Variants in ENAH observed in about 807,000 individuals in gnomAD.
ENAH encodes the protein protein enabled homolog.
In ENAH, 23 loss-of-function variants were observed where a neutral mutation model predicts 78.7. That is an observed-to-expected ratio of 0.29 (90% CI 0.21 to 0.41). The LOEUF (loss-of-function observed/expected upper bound fraction) is 0.41. Ranked by LOEUF, ENAH falls within the 10% of genes least tolerant of loss-of-function variation. ENAH has a pLI of 1.00. For synonymous variants in ENAH, 226 were observed against 241.0 expected (o/e 0.94, Z 0.58); for missense variants, 544 against 691.0 (o/e 0.79, Z 2.39).
intron 2 of ENAH, among the ~76,000 whole-genome samples, chr1:225,564,008 G>GT (rs1383608881): frequency 6.6e-6 from 1 of 151,976 alleles, no homozygotes; most frequent in Non-Finnish European, 1.5e-5. Context: ...CTGGCATAAA[G>GT]TTTTTTATAA....
At chr1:225,611,985 T>C (rs552957585) in intron 1 of ENAH, among the ~76,000 whole-genome samples, 101 of 152,360 alleles carry the variant, frequency 6.6e-4, no homozygotes, top group African/African-American at 2.3e-3. Context: ...CTGGTGAGAA[T>C]GTGAAATCAC....
intron 1 of ENAH, among the ~76,000 whole-genome samples, chr1:225,616,775 T>G (rs988556185): frequency 2.2e-4 from 34 of 152,168 alleles, no homozygotes; most frequent in South Asian, 1.0e-3. Flanking sequence ...GAGTTTCTAC[T>G]AGTGATTGGA....
At position 225,532,593 on chromosome 1, in the gene ENAH, C is replaced by T. The variant is rs115667030; in HGVS notation, c.350-1955G>A. Among the ~76,000 whole-genome samples the T allele has an allele frequency of 4.2e-3, 638 of 152,120 alleles. 1 individual carries two copies. The highest frequency in any genetic ancestry group is 0.014 in the Middle Eastern group (4 of 294). ...TTCAAATATATAGATTCAAAAAAGA[C>T]GTCAAAATTTCAACTCAATCCTATT... is the stretch of plus-strand genomic sequence containing the variant. On this transcript the variant is annotated intron_variant, in intron 3 of 13. Transcript: ENST00000366843.
At chr1:225,608,423 CAA>C (rs1294371426) in intron 1 of ENAH, among the ~76,000 whole-genome samples, 1 of 146,346 alleles carries the variant, frequency 6.8e-6, no homozygotes, top group Non-Finnish European at 1.5e-5. Flanking sequence ...TTTTTTTAAA[CAA>C]AGACTCACAT....
chr1:225,512,920 A>T lies in ENAH; in HGVS notation c.1315T>A (p.Leu439Ile). The T allele has an allele frequency of 6.2e-7, 1 of 1,613,920 alleles. No individual in the cohort carries two copies. The highest frequency in any genetic ancestry group is 1.3e-5 in the African/African-American group (1 of 74,984). ...DTGRGNGPLP[L>I]GGSGLMEEMS... ...TCTTCCATTAAACCACTACCCCCTA[A>T]AGGAAGGGGTCCATTTCCACGGCCT... is the stretch of plus-strand genomic sequence containing the variant. Residue 439 changes from leucine to isoleucine, a missense_variant, in exon 8 of 14, where the codon TTA (leucine) becomes ATA (isoleucine). Physicochemically the swap from Leu to Ile is conservative, Grantham distance 5 (BLOSUM62 2). This residue lies in a region of ENAH where 366 missense variants were observed against 396.1 expected (regional missense o/e 0.92). Transcript: ENST00000366843.
intron 1 of ENAH, 53 bp from the exon 2 acceptor site, chr1:225,567,467 G>A: frequency 1.9e-6 from 3 of 1,546,636 alleles, no homozygotes; most frequent in Non-Finnish European, 2.6e-6. Context: ...AATATGCTAA[G>A]TGTTCCACAT....
chr1:225,598,212 T>C (rs1218402108), intron 1 of ENAH, among the ~76,000 whole-genome samples: 1 of 152,088 alleles, frequency 6.6e-6, no homozygotes, highest in African/African-American at 2.4e-5. Context: ...ATATCAAAAA[T>C]TTTTAATTAT....
chr1:225,607,401 G>C (rs763663720), intron 1 of ENAH, among the ~76,000 whole-genome samples: 1 of 151,646 alleles, frequency 6.6e-6, no homozygotes, highest in Non-Finnish European at 1.5e-5. Flanking sequence ...AGATGGATTA[G>C]AGGTAACTGA....
Position 225,527,735 on chromosome 1 carries a change from G to C in ENAH, c.434+2819C>G, listed in dbSNP as rs897442800. 3.3e-5 allele frequency among the ~76,000 whole-genome samples: 5 copies of C among 152,152 alleles called. No homozygotes were observed. The East Asian group carries it at 7.7e-4, about 23-fold the overall frequency. On this transcript the variant is annotated intron_variant, in intron 4 of 13. Transcript: ENST00000366843. ...GCGTACTCACATTGCACGTGTGTTT[G>C]CATCGCCTTGCCTTTACACACCTAC...
At chr1:225,538,144 T>C (rs941331812) in intron 3 of ENAH, among the ~76,000 whole-genome samples, 85 of 152,296 alleles carry the variant, frequency 5.6e-4, no homozygotes, top group African/African-American at 1.8e-3. Context: ...AACATCAGCA[T>C]CTAAATTAGT....
intron 1 of ENAH, among the ~76,000 whole-genome samples, chr1:225,616,311 A>G (rs1251295616): frequency 6.6e-5 from 10 of 151,684 alleles, no homozygotes; most frequent in Admixed American, 6.6e-4. Flanking sequence ...AGAAACACCC[A>G]AGAATGATCA....
At position 225,652,712 on chromosome 1, in the gene ENAH, T is replaced by C. The variant is rs906138142; in HGVS notation, c.-22A>G. 2 of 1,316,042 alleles carry C rather than the reference T, an allele frequency of 1.5e-6. No homozygotes were observed. Among genetic ancestry groups the C allele is most frequent in the Non-Finnish European group, 1.9e-6 (2 of 1,034,872 alleles). 81.5% of individuals were successfully genotyped at this position (1,316,042 alleles called of 1,614,324 possible). A position where few individuals can be genotyped will look rare whatever the true frequency, so the allele number is the denominator to read the frequency against. ...TCATGGTGCCGGCGGCGCAGAGGCT[T>C]CCCCACCAGCCGGGAGACGCAGAAG... On this transcript the variant is annotated 5_prime_UTR_variant, in exon 1 of 14. Transcript: ENST00000366843.
intron 1 of ENAH, among the ~76,000 whole-genome samples, chr1:225,573,701 C>T (rs544430): frequency 0.91 from 137,984 of 152,216 alleles, 62,697 homozygotes; most frequent in African/African-American, 0.95. Flanking sequence ...TGTAGATAGA[C>T]AGGATGCAAA....
chr1:225,551,778 G>GT (rs1272912161), intron 3 of ENAH, among the ~76,000 whole-genome samples: 1 of 152,118 alleles, frequency 6.6e-6, no homozygotes, highest in Non-Finnish European at 1.5e-5. Context: ...TTAACAAGTG[G>GT]TAAAACATTA....
chr1:225,521,157 C>T (rs1307859193), intron 4 of ENAH, among the ~76,000 whole-genome samples: 1 of 152,148 alleles, frequency 6.6e-6, no homozygotes, highest in African/African-American at 2.4e-5. Flanking sequence ...ACAGTCTAAG[C>T]AGTCTCCTAC....
chr1:225,645,669 G>C (rs1230938839), intron 1 of ENAH, among the ~76,000 whole-genome samples: 2 of 152,158 alleles, frequency 1.3e-5, no homozygotes, highest in African/African-American at 4.8e-5. Flanking sequence ...AGAGATGTCA[G>C]ACTTTCATAA....
chr1:225,514,984 T>C (rs1041669267), intron 6 of ENAH, 84 bp from the exon 7 acceptor site: 3 of 1,130,802 alleles, frequency 2.7e-6, no homozygotes, highest in South Asian at 2.7e-5. Context: ...CAGAATGCCA[T>C]GCTAAATTAA....
chr1:225,597,936 C>CTTT (rs77379508), intron 1 of ENAH, among the ~76,000 whole-genome samples: 49 of 145,056 alleles, frequency 3.4e-4, no homozygotes, highest in Admixed American at 4.8e-4. Context: ...CTCCACTTAA[C>CTTT]TTTTTTTTTT....
At chr1:225,633,186 G>A (rs942775640) in intron 1 of ENAH, among the ~76,000 whole-genome samples, 52 of 151,714 alleles carry the variant, frequency 3.4e-4, no homozygotes, top group Non-Finnish European at 7.2e-4. Context: ...GGAACTACAG[G>A]CACCTGCCAC....
Sources: allele counts gnomAD v4.1 joint callset (sites outside exome capture counted in the v4.1 genomes callset), GRCh38; gene constraint gnomAD v4.1.1; regional missense constraint gnomAD v4.1.1; transcripts MANE v1.5; gene names NCBI Gene and HGNC (gene_info 2026-07-23, HGNC 2026-07-21).